Variants in ANO1 observed in about 807,000 individuals in gnomAD.
ANO1 encodes anoctamin-1.
Under a neutral mutation model 124.0 loss-of-function variants are expected in ANO1, and 59 were observed. The observed-to-expected ratio is 0.48, with a 90% confidence interval of 0.39 to 0.59. The LOEUF is 0.59. Among genes scored for constraint, ANO1 ranks in the 20% least tolerant of loss-of-function variants. The pLI is 0.00. For synonymous variants in ANO1, 529 were observed against 532.0 expected (o/e 0.99, Z 0.08); for missense variants, 1,059 against 1,328.0 (o/e 0.80, Z 3.15).
chr11:70,002,412 C>T (rs908017116), intron 1 of ANO1, among the ~76,000 whole-genome samples: 15 of 141,294 alleles, frequency 1.1e-4, no homozygotes, highest in South Asian at 9.0e-4. Flanking sequence ...TGCAGTGAGC[C>T]GAGATAGAGC....
intron 2 of ANO1, among the ~76,000 whole-genome samples, chr11:70,100,283 G>A (rs7115676): frequency 0.098 from 14,959 of 152,270 alleles, 870 homozygotes; most frequent in Middle Eastern, 0.14. Context: ...TGGAGCCTGC[G>A]AACGTGGCCT....
intron 24 of ANO1, among the ~76,000 whole-genome samples, chr11:70,185,133 G>T (rs1216717306): frequency 6.6e-6 from 1 of 152,148 alleles, no homozygotes; most frequent in Non-Finnish European, 1.5e-5. Flanking sequence ...CATGGGCGTT[G>T]GGTTGAGGTT....
chr11:70,043,648 C>G (rs1857214054), intron 1 of ANO1, among the ~76,000 whole-genome samples: 1 of 152,038 alleles, frequency 6.6e-6, no homozygotes, highest in Admixed American at 6.5e-5. Context: ...ATATGCTAGT[C>G]AGAAGACAAT....
intron 22 of ANO1, among the ~76,000 whole-genome samples, chr11:70,173,085 C>T (rs1489403146): frequency 2.6e-5 from 4 of 152,178 alleles, no homozygotes; most frequent in Admixed American, 6.5e-5. Flanking sequence ...CACCAATCCT[C>T]CACTGTCTGG....
chr11:70,151,006 G>A (rs375567307), intron 12 of ANO1, among the ~76,000 whole-genome samples: 23 of 152,202 alleles, frequency 1.5e-4, no homozygotes, highest in Admixed American at 1.3e-3. Context: ...TCTGGGAGAG[G>A]CACAGCAGCT....
At chr11:70,153,837 C>T (rs2047697419) in intron 14 of ANO1, among the ~76,000 whole-genome samples, 2 of 152,144 alleles carry the variant, frequency 1.3e-5, no homozygotes, top group Admixed American at 6.5e-5. Flanking sequence ...ATGATCTCGG[C>T]TCACTGCAAC....
intron 8 of ANO1, among the ~76,000 whole-genome samples, chr11:70,120,081 A>G (rs1415574468): frequency 6.6e-6 from 1 of 152,124 alleles, no homozygotes; most frequent in Non-Finnish European, 1.5e-5. Flanking sequence ...TGTTCTAATC[A>G]GTGGCAGGAG....
the ANO1 span, among the ~76,000 whole-genome samples, chr11:69,973,765 G>T: frequency 1.3e-5 from 2 of 151,672 alleles, no homozygotes; most frequent in African/African-American, 4.8e-5. Flanking sequence ...CCAGCTACTC[G>T]GGAGGCTAAG....
At chr11:70,104,260 CTT>C in intron 4 of ANO1, 110 bp downstream of exon 4, 1 of 1,275,940 alleles carries the variant, frequency 7.8e-7, no homozygotes, top group South Asian at 1.6e-5. Context: ...AGAGCGTGTT[CTT>C]GTAAGAGCTT....
In ANO1 at chr11:70,170,910, C is replaced by T. The variant is rs749858581; in HGVS notation, c.2221C>T (p.Leu741=). 3.1e-6 allele frequency: 5 copies of T among 1,613,394 alleles called. No individual in the cohort carries two copies. The African/African-American group carries it at 6.7e-5, about 22-fold the overall frequency. The change falls in exon 22 of 26, where the codon CTG becomes TTG. Residue 741 remains leucine, a synonymous_variant. Coordinates refer to ENST00000355303, the MANE Select transcript of ANO1 (RefSeq NM_018043.7). ...EMIIQFGFVT[L]FVASFPLAPL... ...AGTCATCCAGTTTGGCTTCGTCACCCTGTTTGTCGCCTCCTTCCCCCTGGC... is the reference window on the plus strand; with the variant it reads ...AGTCATCCAGTTTGGCTTCGTCACCTTGTTTGTCGCCTCCTTCCCCCTGGC...
chr11:70,080,458 C>T (rs1001004924), intron 1 of ANO1, among the ~76,000 whole-genome samples: 2 of 152,174 alleles, frequency 1.3e-5, no homozygotes, highest in Non-Finnish European at 2.9e-5. Flanking sequence ...GAGGTACCAG[C>T]CAGGAGCCAG....
chr11:70,079,384 T>TG (rs2044135857), intron 1 of ANO1, among the ~76,000 whole-genome samples: 2 of 151,732 alleles, frequency 1.3e-5, no homozygotes, highest in Admixed American at 6.6e-5. Context: ...CTGGTTCAGG[T>TG]GGGGGCACTG....
chr11:70,056,821 G>A (rs1422284257), intron 1 of ANO1, among the ~76,000 whole-genome samples: 1 of 115,536 alleles, frequency 8.7e-6, no homozygotes, highest in African/African-American at 3.3e-5. Context: ...TCTTTTCTGT[G>A]TTTTACATCT....
Sources: allele counts gnomAD v4.1 joint callset (sites outside exome capture counted in the v4.1 genomes callset), GRCh38; gene constraint gnomAD v4.1.1; transcripts MANE v1.5; gene names NCBI Gene and HGNC (gene_info 2026-07-23, HGNC 2026-07-21).